LTBP1: variants seen among roughly 807,000 people sequenced by gnomAD.
LTBP1 encodes the protein latent-transforming growth factor beta-binding protein 1.
In LTBP1, 129 loss-of-function variants were observed where a neutral mutation model predicts 207.6. That is an observed-to-expected ratio of 0.62 (90% CI 0.54 to 0.72). The LOEUF is 0.72. Ranked by LOEUF, LTBP1 falls within the 30% of genes least tolerant of loss-of-function variation. The probability of loss-of-function intolerance (pLI) is 0.00; values close to 1 mark genes in which losing one functional copy is unlikely to be tolerated. For synonymous variants in LTBP1, 963 were observed against 833.7 expected (o/e 1.16, Z -2.67); for missense variants, 2,281 against 2,217.2 (o/e 1.03, Z -0.58).
At chr2:33,003,555 C>T (rs988282228) in intron 2 of LTBP1, among the ~76,000 whole-genome samples, 1 of 152,140 alleles carries the variant, frequency 6.6e-6, no homozygotes, top group South Asian at 2.1e-4. Context: ...GACGGCAGAA[C>T]TTGAAGCGCT....
At chr2:33,033,561 TGTAGAG>T (rs1558540068) in intron 3 of LTBP1, among the ~76,000 whole-genome samples, 1 of 151,242 alleles carries the variant, frequency 6.6e-6, no homozygotes, top group Non-Finnish European at 1.5e-5. Context: ...TAATAGCTCC[TGTAGAG>T]TTTTAGAAGA....
chr2:33,349,386 G>T (rs1218060996), intron 26 of LTBP1, among the ~76,000 whole-genome samples: 1 of 151,790 alleles, frequency 6.6e-6, no homozygotes, highest in Non-Finnish European at 1.5e-5. Flanking sequence ...GTTGCAGTGA[G>T]CTAAGATCAC....
chr2:33,063,359 A>G (rs1278520702), intron 3 of LTBP1, among the ~76,000 whole-genome samples: 2 of 152,174 alleles, frequency 1.3e-5, no homozygotes, highest in African/African-American at 4.8e-5. Context: ...GGAGTTTTCC[A>G]GAGAATACAT....
intron 7 of LTBP1, among the ~76,000 whole-genome samples, chr2:33,196,615 G>C (rs10189948): frequency 0.081 from 12,292 of 152,194 alleles, 1,066 homozygotes; most frequent in African/African-American, 0.22. Context: ...AGACAAGGAT[G>C]ATGAAGAAAT....
At chr2:33,030,648 C>T (rs971305346) in intron 3 of LTBP1, among the ~76,000 whole-genome samples, 5 of 152,202 alleles carry the variant, frequency 3.3e-5, no homozygotes, top group Non-Finnish European at 7.4e-5. Flanking sequence ...TCTTTGTTGC[C>T]GTGCTGCTTT....
At chr2:33,255,967 C>T (rs1356041937) in intron 11 of LTBP1, among the ~76,000 whole-genome samples, 1 of 152,092 alleles carries the variant, frequency 6.6e-6, no homozygotes, top group Non-Finnish European at 1.5e-5. Flanking sequence ...GTGGATTTTT[C>T]CTCTGAAGGC....
chr2:32,998,402 G>A (rs186332951), intron 2 of LTBP1, among the ~76,000 whole-genome samples: 142 of 150,762 alleles, frequency 9.4e-4, no homozygotes, highest in Admixed American at 3.3e-3. Context: ...TGTAATCCCA[G>A]CTACTCGGGA....
intron 31 of LTBP1, among the ~76,000 whole-genome samples, chr2:33,369,290 A>T (rs17012887): frequency 0.062 from 9,467 of 152,286 alleles, 325 homozygotes; most frequent in Non-Finnish European, 0.071. Context: ...TCTCTAGTGT[A>T]CATGGTCAGC....
Position 33,134,817 on chromosome 2 carries a change from A to T in LTBP1, c.1058A>T (p.Lys353Met). Residue 353 changes from lysine (K) to methionine (M), a missense_variant, in exon 5 of 34, where the codon AAG becomes ATG. Lys to Met is a moderately conservative substitution (Grantham distance 95). Coordinates refer to ENST00000404816, the MANE Select transcript of LTBP1 (RefSeq NM_206943.4). The surrounding 1 kb of genome is among the most constrained non-coding windows in gnomAD (Gnocchi z 4.4). The stretch of plus-strand genomic sequence containing the variant: ...GTGAGTAACCACACTGGCCGCATCA[A>T]GGTGGTCTTTACTCCGAGCATCTGT... ...FQLSNHTGRI[K>M]VVFTPSICKV... The T allele has an allele frequency of 6.2e-7, 1 of 1,614,038 alleles. No homozygotes were observed. Among genetic ancestry groups the T allele is most frequent in the Non-Finnish European group, 8.5e-7 (1 of 1,180,018 alleles).
chr2:33,235,666 A>G (rs1421406264), intron 9 of LTBP1, among the ~76,000 whole-genome samples: 4 of 152,238 alleles, frequency 2.6e-5, no homozygotes, highest in Admixed American at 6.5e-5. Flanking sequence ...ATGCCCATCA[A>G]TGATAGACTG....
intron 5 of LTBP1, among the ~76,000 whole-genome samples, chr2:33,141,743 T>C (rs1423432983): frequency 6.6e-6 from 1 of 152,244 alleles, no homozygotes; most frequent in Admixed American, 6.5e-5. Flanking sequence ...CATCAGACTC[T>C]GACCCTGCTT....
chr2:32,971,689 G>C (rs1280879262), intron 2 of LTBP1, among the ~76,000 whole-genome samples: 3 of 152,142 alleles, frequency 2.0e-5, no homozygotes, highest in Non-Finnish European at 4.4e-5. Flanking sequence ...GCTGGATTTA[G>C]TTTGCTAGTA....
intron 3 of LTBP1, among the ~76,000 whole-genome samples, chr2:33,081,779 T>C (rs1478375754): frequency 6.6e-6 from 1 of 152,040 alleles, no homozygotes; most frequent in Admixed American, 6.6e-5. Flanking sequence ...AATTGAATCA[T>C]GGGGGCGGTT....
At chr2:33,339,446 GA>G (rs760398383) in intron 24 of LTBP1, among the ~76,000 whole-genome samples, 19 of 152,104 alleles carry the variant, frequency 1.2e-4, no homozygotes, top group Non-Finnish European at 2.4e-4. Context: ...GCCCATCTCA[GA>G]AAGCCTACCT....
At chr2:33,367,495 C>G (rs2095005842) in intron 31 of LTBP1, among the ~76,000 whole-genome samples, 1 of 152,078 alleles carries the variant, frequency 6.6e-6, no homozygotes, top group African/African-American at 2.4e-5. Context: ...CAACCCTTAC[C>G]CCACTTCCAG....
intron 3 of LTBP1, among the ~76,000 whole-genome samples, chr2:33,060,584 G>A (rs938069506): frequency 1.3e-5 from 2 of 151,356 alleles, no homozygotes; most frequent in Admixed American, 6.6e-5. Flanking sequence ...GTGGGTAGGT[G>A]AGATATGGAG....
intron 19 of LTBP1, among the ~76,000 whole-genome samples, chr2:33,292,423 G>A (rs2093792614): frequency 6.6e-6 from 1 of 152,176 alleles, no homozygotes; most frequent in Admixed American, 6.5e-5. Context: ...ATGTGGCGTT[G>A]GGCTGGTTAT....
intron 3 of LTBP1, among the ~76,000 whole-genome samples, chr2:33,038,146 T>A (rs2076014074): frequency 6.6e-6 from 1 of 152,238 alleles, no homozygotes; most frequent in African/African-American, 2.4e-5. Flanking sequence ...ATTGTTTTGA[T>A]CACTCAGATA....
intron 2 of LTBP1, among the ~76,000 whole-genome samples, chr2:32,968,649 C>T (rs2148536984): frequency 6.6e-6 from 1 of 151,590 alleles, no homozygotes; most frequent in East Asian, 1.9e-4. Flanking sequence ...GGATTAATAG[C>T]TACTGTATTT....
Sources: allele counts gnomAD v4.1 joint callset (sites outside exome capture counted in the v4.1 genomes callset), GRCh38; gene constraint gnomAD v4.1.1; non-coding constraint Gnocchi (gnomAD v3.1); transcripts MANE v1.5; gene names NCBI Gene and HGNC (gene_info 2026-07-23, HGNC 2026-07-21).